The following SLC12A2 variants were observed in gnomAD, a reference collection of about 807,000 sequenced individuals.
SLC12A2 encodes the protein solute carrier family 12 member 2, also known as Na-K-2Cl cotransporter 1.
Under a neutral mutation model 136.3 loss-of-function variants are expected in SLC12A2, and 67 were observed. That is an observed-to-expected ratio of 0.49 (90% confidence interval 0.40 to 0.60). The LOEUF is 0.60. SLC12A2 is among the 20% of genes least tolerant of loss of function. The pLI is 0.00. For synonymous variants in SLC12A2, 619 were observed against 562.9 expected (o/e 1.10, Z -1.41); for missense variants, 1,322 against 1,534.7 (o/e 0.86, Z 2.32).
intron 4 of SLC12A2, among the ~76,000 whole-genome samples, 190 bp from the exon 5 acceptor site, chr5:128,130,877 A>ATACGTGT (rs1212743537): frequency 4.6e-5 from 7 of 152,130 alleles, no homozygotes; most frequent in African/African-American, 1.7e-4. Flanking sequence ...GATGTTGTGA[A>ATACGTGT]TTGTTAATAC....
At chr5:128,136,043 A>G (rs553360354) in intron 7 of SLC12A2, among the ~76,000 whole-genome samples, 4 of 152,164 alleles carry the variant, frequency 2.6e-5, no homozygotes, top group South Asian at 2.1e-4. Flanking sequence ...ATATGGAGAA[A>G]TCAGTGCTGC....
intron 4 of SLC12A2, among the ~76,000 whole-genome samples, chr5:128,120,846 A>G (rs1357236625): frequency 1.3e-5 from 2 of 152,064 alleles, no homozygotes; most frequent in East Asian, 3.9e-4. Flanking sequence ...GTACCCTAAA[A>G]CTTAAAGTAT....
chr5:128,109,894 C>A, intron 1 of SLC12A2: 1 of 794,204 alleles, frequency 1.3e-6, no homozygotes, highest in Non-Finnish European at 2.3e-6. Context: ...AGAATTGTGA[C>A]TGGCCTTTGC....
chr5:128,161,582 T>C, intron 16 of SLC12A2, 78 bp from the exon 17 acceptor site: 1 of 909,238 alleles, frequency 1.1e-6, no homozygotes, highest in South Asian at 4.8e-5. Flanking sequence ...CAAGCCAGTA[T>C]AACAGGATGA....
chr5:128,149,120 G>A (rs1013906382), intron 12 of SLC12A2, among the ~76,000 whole-genome samples: 4 of 151,704 alleles, frequency 2.6e-5, no homozygotes, highest in African/African-American at 9.7e-5. Flanking sequence ...ATATGATAAT[G>A]GCATAAGGGA....
intron 20 of SLC12A2, among the ~76,000 whole-genome samples, chr5:128,175,354 TAA>T (rs1257514487): frequency 1.3e-5 from 2 of 152,052 alleles, no homozygotes; most frequent in African/African-American, 4.8e-5. Context: ...AGAGTATTAG[TAA>T]AGTTTAGTTC....
intron 10 of SLC12A2, 120 bp from the exon 11 acceptor site, chr5:128,147,502 A>G (rs1455287004): frequency 3.4e-6 from 2 of 596,848 alleles, no homozygotes; most frequent in African/African-American, 1.9e-5. Flanking sequence ...CGTTGTTGTT[A>G]TTATTATTAT....
intron 17 of SLC12A2, among the ~76,000 whole-genome samples, chr5:128,164,683 TG>T (rs1470917121): frequency 6.6e-6 from 1 of 152,158 alleles, no homozygotes; most frequent in Non-Finnish European, 1.5e-5. Context: ...AGTGACTTTT[TG>T]TATAGTTGTA....
intron 1 of SLC12A2, among the ~76,000 whole-genome samples, chr5:128,112,151 G>A (rs1472458898): frequency 6.6e-6 from 1 of 152,100 alleles, no homozygotes; most frequent in Non-Finnish European, 1.5e-5. Flanking sequence ...AGAAGTTAGA[G>A]AACAAAGAAT....
chr5:128,126,964 A>ATTTTTTTTTTTT (rs1433767277), intron 4 of SLC12A2, among the ~76,000 whole-genome samples: 3 of 21,684 alleles, frequency 1.4e-4, no homozygotes, highest in Admixed American at 7.6e-4. Flanking sequence ...ATATATATAT[A>ATTTTTTTTTTTT]TATTTTTTTT....
intron 18 of SLC12A2, 25 bp downstream of exon 18, chr5:128,167,892 T>C (rs1298208602): frequency 4.6e-6 from 6 of 1,292,256 alleles, no homozygotes; most frequent in Non-Finnish European, 6.4e-6. Context: ...AATTCAATAA[T>C]TTAGTTCATT....
intron 17 of SLC12A2, among the ~76,000 whole-genome samples, chr5:128,164,389 T>C (rs1187950845): frequency 6.6e-6 from 1 of 152,162 alleles, no homozygotes; most frequent in African/African-American, 2.4e-5. Flanking sequence ...ACTCTATCAG[T>C]GTGGGGCAAA....
intron 1 of SLC12A2, among the ~76,000 whole-genome samples, chr5:128,090,123 G>T (rs758345652): frequency 6.6e-6 from 1 of 152,188 alleles, no homozygotes; most frequent in Non-Finnish European, 1.5e-5. Context: ...TCCCCCAGGT[G>T]TACACTGACT....
chr5:128,146,276 A>T (rs1762524170), intron 10 of SLC12A2, among the ~76,000 whole-genome samples: 1 of 151,838 alleles, frequency 6.6e-6, no homozygotes, highest in African/African-American at 2.4e-5. Flanking sequence ...TTAAATATAC[A>T]TCCTATGTTC....
At chr5:128,184,332 G>T in intron 24 of SLC12A2, 34 bp from the exon 25 acceptor site, 1 of 1,322,594 alleles carries the variant, frequency 7.6e-7, no homozygotes, top group Non-Finnish European at 1.0e-6. Context: ...CTTAAAATAA[G>T]ATTAGTTGTC....
intron 4 of SLC12A2, among the ~76,000 whole-genome samples, chr5:128,130,464 G>A (rs926316993): frequency 7.1e-5 from 10 of 140,650 alleles, no homozygotes; most frequent in African/African-American, 1.1e-4. Flanking sequence ...GCAGTGGGCC[G>A]AGATCACACC....
rs776243419 is a variant in SLC12A2, at chr5:128,184,843, A to G, written c.3490A>G (p.Asn1164Asp). Residue 1164 changes from asparagine to aspartate, a missense_variant, in exon 26 of 27, where the codon AAT becomes GAT. By Grantham distance (23) the Asn-to-Asp change is conservative. Coordinates refer to ENST00000262461, the MANE Select transcript of SLC12A2 (RefSeq NM_001046.3). ...ATTAAAGGAACATTCAAGCACAGCT[A>G]ATATTATTGTCATGTAAGTAATATC... ...ELLKEHSSTA[N>D]IIVMSLPVAR... is the part of the protein sequence containing the mutation. The G allele has an allele frequency of 1.2e-6, 2 of 1,601,508 alleles. No individual in the cohort carries two copies. Among genetic ancestry groups the G allele is most frequent in the Non-Finnish European group, 8.6e-7 (1 of 1,168,954 alleles).
intron 11 of SLC12A2, among the ~76,000 whole-genome samples, 187 bp downstream of exon 11, chr5:128,147,916 A>ATC (rs1256113804): frequency 2.0e-5 from 3 of 151,610 alleles, no homozygotes; most frequent in African/African-American, 7.2e-5. Context: ...ATGTTTATAT[A>ATC]AATATTTGTG....
At chr5:128,129,141 G>A (rs1761922592) in intron 4 of SLC12A2, among the ~76,000 whole-genome samples, 1 of 152,022 alleles carries the variant, frequency 6.6e-6, no homozygotes, top group African/African-American at 2.4e-5. Context: ...CTAAAGACAA[G>A]AGTGTTGACT....
Sources: gnomAD v4.1 joint callset for allele counts (sites outside exome capture counted in the v4.1 genomes callset) on GRCh38, gnomAD v4.1.1 for gene constraint, MANE v1.5 for transcripts, NCBI Gene and HGNC (gene_info 2026-07-23, HGNC 2026-07-21) for gene names.